Variants in PGS1 observed in about 807,000 individuals in gnomAD.
The protein encoded by PGS1 is phosphatidylglycerophosphate synthase 1.
A neutral mutation model predicts 58.3 loss-of-function variants in PGS1; 44 were observed. That is an observed-to-expected ratio of 0.75 (90% CI 0.59 to 0.97). The LOEUF is 0.97. Ranked by LOEUF, PGS1 falls within the 50% of genes least tolerant of loss-of-function variation. The pLI is 0.00. For synonymous variants in PGS1, 330 were observed against 311.0 expected (o/e 1.06, Z -0.64); for missense variants, 684 against 731.1 (o/e 0.94, Z 0.74).
At chr17:78,401,730 C>T (rs903128917) in intron 6 of PGS1, among the ~76,000 whole-genome samples, 1 of 152,180 alleles carries the variant, frequency 6.6e-6, no homozygotes, top group Non-Finnish European at 1.5e-5. Context: ...CTCTGCCTGC[C>T]GCCATGCACT....
intron 7 of PGS1, among the ~76,000 whole-genome samples, chr17:78,407,623 C>T (rs2084267975): frequency 1.3e-5 from 2 of 152,260 alleles, no homozygotes; most frequent in Admixed American, 1.3e-4. Flanking sequence ...TCCTGTAGGA[C>T]AGGCCTGGGC....
intron 6 of PGS1, among the ~76,000 whole-genome samples, 192 bp downstream of exon 6, chr17:78,401,047 A>G (rs11077361): frequency 0.61 from 93,007 of 151,570 alleles, 28,603 homozygotes; most frequent in Admixed American, 0.65. Context: ...TGAGAGAGCC[A>G]GCCCAGAAAG....
In PGS1 at chr17:78,419,997, C is replaced by T. The variant is rs1162598497; in HGVS notation, c.*10+322C>T. On this transcript the variant is annotated intron_variant, in intron 9 of 9. Coordinates refer to ENST00000262764, the MANE Select transcript of PGS1 (RefSeq NM_024419.5). The stretch of plus-strand genomic sequence containing the variant: ...CTGAAGAAGCCCTGGGGCAAGGGCT[C>T]AGGGATGAGGGGGCAGAAAGGCAGA... 5.2e-6 allele frequency: 6 copies of T among 1,159,082 alleles called. No individual in the cohort carries two copies. The Admixed American group carries it at 1.2e-4, about 23-fold the overall frequency. 71.8% of individuals were successfully genotyped at this position (1,159,082 alleles called of 1,614,324 possible). A position where few individuals can be genotyped will look rare whatever the true frequency, so the allele number is the denominator to read the frequency against.
chr17:78,409,106 A>G (rs1377958043), intron 7 of PGS1, among the ~76,000 whole-genome samples: 2 of 152,186 alleles, frequency 1.3e-5, no homozygotes, highest in African/African-American at 4.8e-5. Context: ...GTCTCTCTTC[A>G]TCTTTCTGCT....
intron 1 of PGS1, among the ~76,000 whole-genome samples, chr17:78,385,857 G>A (rs992931538): frequency 1.3e-5 from 2 of 152,344 alleles, no homozygotes; most frequent in East Asian, 1.9e-4. Context: ...TGCAGGGCGC[G>A]TTGTCCTGCC....
At chr17:78,417,236 A>G (rs55804124) in intron 8 of PGS1, among the ~76,000 whole-genome samples, 9,957 of 152,210 alleles carry the variant, frequency 0.065, 447 homozygotes, top group Middle Eastern at 0.13. Flanking sequence ...TTTAGTTGCA[A>G]TCTTGGCCGG....
chr17:78,423,496 A>G (rs1212431581), intron 9 of PGS1, among the ~76,000 whole-genome samples: 1 of 152,180 alleles, frequency 6.6e-6, no homozygotes, highest in Non-Finnish European at 1.5e-5. Context: ...ATGAAGCATC[A>G]GGCCAGAGGG....
intron 6 of PGS1, among the ~76,000 whole-genome samples, chr17:78,401,607 C>T (rs1369909199): frequency 2.0e-5 from 3 of 152,152 alleles, no homozygotes; most frequent in Admixed American, 6.6e-5. Context: ...GAGAAGAGCT[C>T]TCTGCGTCTT....
chr17:78,412,049 G>T (rs935612578), intron 7 of PGS1, among the ~76,000 whole-genome samples: 4 of 151,466 alleles, frequency 2.6e-5, no homozygotes, highest in Non-Finnish European at 5.9e-5. Context: ...AAACTTCCCA[G>T]TTGTCCTCAG....
intron 8 of PGS1, among the ~76,000 whole-genome samples, chr17:78,417,339 C>A (rs140310770): frequency 1.5e-3 from 229 of 152,330 alleles, no homozygotes; most frequent in Non-Finnish European, 2.9e-3. Context: ...CCATCAGGCA[C>A]GTCCAGCCAG....
chr17:78,392,810 A>G, intron 2 of PGS1, 145 bp downstream of exon 2: 1 of 635,310 alleles, frequency 1.6e-6, no homozygotes. Context: ...TTTCAGCTTC[A>G]TAGATGGTTG....
chr17:78,400,817 C>T lies in PGS1; in HGVS notation c.842C>T (p.Thr281Met), dbSNP rs1598314718. Residue 281 changes from threonine (T) to methionine (M), a missense_variant, in exon 6 of 10, where the codon ACG becomes ATG. Physicochemically the swap from Thr to Met is moderately conservative, Grantham distance 81. Transcript: ENST00000262764. This position sits in a 1 kb window ranked among gnomAD's most constrained non-coding sequence, Gnocchi z 4.4. ...DVSLQLQGDD[T>M]VQVVDGMVHP... ...TCCCTGCAGCTGCAGGGGGACGACA[C>T]GGTGCAGGTGGTGGATGGGATGGTG... 2.5e-6 allele frequency: 4 copies of T among 1,612,536 alleles called. No individual in the cohort carries two copies. Among genetic ancestry groups the T allele is most frequent in the South Asian group, 2.2e-5 (2 of 90,882 alleles).
chr17:78,388,173 G>A (rs569100911), intron 1 of PGS1, among the ~76,000 whole-genome samples: 11 of 152,352 alleles, frequency 7.2e-5, no homozygotes, highest in African/African-American at 2.6e-4. Context: ...TTGGCCTGAG[G>A]CCCTCGTGGA....
intron 6 of PGS1, among the ~76,000 whole-genome samples, chr17:78,403,269 C>T (rs575273020): frequency 6.6e-6 from 1 of 151,984 alleles, no homozygotes; most frequent in East Asian, 1.9e-4. Flanking sequence ...CCTGATTTCT[C>T]TCCCTGTCAG....
chr17:78,414,812 G>A (rs1027536010), intron 7 of PGS1, 67 bp from the exon 8 acceptor site: 10 of 1,568,700 alleles, frequency 6.4e-6, no homozygotes, highest in Middle Eastern at 1.7e-4. Context: ...GATTGCAGCA[G>A]CGTGTGGAGA....
intron 2 of PGS1, among the ~76,000 whole-genome samples, chr17:78,394,514 GA>G (rs1165079776): frequency 6.6e-6 from 1 of 151,680 alleles, no homozygotes; most frequent in Non-Finnish European, 1.5e-5. Flanking sequence ...GCTCCTAATT[GA>G]TTTTCTCCTT....
chr17:78,409,641 T>G (rs2146275845), intron 7 of PGS1, among the ~76,000 whole-genome samples: 1 of 152,352 alleles, frequency 6.6e-6, no homozygotes, highest in East Asian at 1.9e-4. Context: ...TGTACTAATG[T>G]CAGAGCAGGT....
chr17:78,395,094 C>T (rs2083130079), intron 2 of PGS1, among the ~76,000 whole-genome samples: 1 of 152,166 alleles, frequency 6.6e-6, no homozygotes, highest in Admixed American at 6.6e-5. Flanking sequence ...TTGTGTCACA[C>T]CGAGTAGCAC....
Position 78,399,418 on chromosome 17 carries a change from C to T in PGS1, c.582C>T (p.Leu194=). The change falls in exon 5 of 10, where the codon CTC becomes CTT. Residue 194 remains leucine, a synonymous_variant. Coordinates refer to ENST00000262764, the MANE Select transcript of PGS1 (RefSeq NM_024419.5). ...RRFPEQVRVS[L]FHTPHLRGLL... ...TCCCAGAGCAGGTCCGAGTCTCCCTCTTTCACACGCCGCACCTCCGTGGGC... is the reference window on the plus strand; with the variant it reads ...TCCCAGAGCAGGTCCGAGTCTCCCTTTTTCACACGCCGCACCTCCGTGGGC... 6.2e-7 allele frequency: 1 copy of T among 1,614,150 alleles called. No homozygotes were observed. Among genetic ancestry groups the T allele is most frequent in the Non-Finnish European group, 8.5e-7 (1 of 1,180,036 alleles).
Sources: gnomAD v4.1 joint callset for allele counts (sites outside exome capture counted in the v4.1 genomes callset) on GRCh38, gnomAD v4.1.1 for gene constraint, Gnocchi (gnomAD v3.1) non-coding constraint, MANE v1.5 for transcripts, NCBI Gene and HGNC (gene_info 2026-07-23, HGNC 2026-07-21) for gene names.